Variants in XRCC4 observed in about 807,000 individuals in gnomAD.
XRCC4 encodes DNA repair protein XRCC4.
Under a neutral mutation model 39.1 loss-of-function variants are expected in XRCC4, and 28 were observed. That is an observed-to-expected ratio of 0.72 (90% CI 0.53 to 0.98). The LOEUF is 0.98. XRCC4 is among the 50% of genes least tolerant of loss of function. The pLI is 0.00. For missense variants in XRCC4, 350 were observed against 376.4 expected (o/e 0.93, Z 0.58); for synonymous variants, 123 against 126.4 (o/e 0.97, Z 0.18).
At chr5:83,302,938 C>G (rs961139399) in intron 7 of XRCC4, among the ~76,000 whole-genome samples, 1 of 152,128 alleles carries the variant, frequency 6.6e-6, no homozygotes, top group African/African-American at 2.4e-5. Context: ...TCAGGCCGGG[C>G]GCAGTGGCTT....
intron 3 of XRCC4, among the ~76,000 whole-genome samples, chr5:83,162,673 A>C (rs1271349804): frequency 6.6e-6 from 1 of 152,166 alleles, no homozygotes. Context: ...ATGTGAATAC[A>C]GTTATTGAGT....
intron 6 of XRCC4, among the ~76,000 whole-genome samples, chr5:83,210,646 GA>G (rs148283164): frequency 0.073 from 11,075 of 152,132 alleles, 903 homozygotes; most frequent in African/African-American, 0.21. Context: ...ACTGATACAA[GA>G]GAATAATGGG....
chr5:83,338,920 A>G (rs1470060708), intron 7 of XRCC4, among the ~76,000 whole-genome samples: 2 of 152,202 alleles, frequency 1.3e-5, no homozygotes, highest in African/African-American at 4.8e-5. Context: ...AAAGTTCAGT[A>G]GTGACATATA....
chr5:83,103,935 G>A (rs994348012), intron 1 of XRCC4, among the ~76,000 whole-genome samples: 6 of 152,138 alleles, frequency 3.9e-5, no homozygotes, highest in Admixed American at 2.6e-4. Context: ...ATGAATTTTG[G>A]GTAGCAATGT....
chr5:83,126,157 T>G (rs1199951359), intron 3 of XRCC4, among the ~76,000 whole-genome samples: 1 of 151,788 alleles, frequency 6.6e-6, no homozygotes, highest in Non-Finnish European at 1.5e-5. Flanking sequence ...CAACATGGTA[T>G]GTCTATATAG....
At chr5:83,296,389 TGCA>T (rs1755094939) in intron 7 of XRCC4, among the ~76,000 whole-genome samples, 1 of 152,170 alleles carries the variant, frequency 6.6e-6, no homozygotes, top group African/African-American at 2.4e-5. Flanking sequence ...ATGACAGTCT[TGCA>T]TAGGACATAC....
intron 3 of XRCC4, among the ~76,000 whole-genome samples, chr5:83,124,718 A>C (rs1012982659): frequency 2.6e-5 from 4 of 152,126 alleles, no homozygotes; most frequent in Non-Finnish European, 5.9e-5. Context: ...ATGCTTATAT[A>C]TTGTCTGTGT....
At chr5:83,232,153 T>C (rs573366323) in intron 6 of XRCC4, among the ~76,000 whole-genome samples, 1 of 152,152 alleles carries the variant, frequency 6.6e-6, no homozygotes, top group East Asian at 1.9e-4. Context: ...CTCTATAAAA[T>C]ATTTTCAGAA....
At chr5:83,249,004 G>T (rs1235755025) in intron 6 of XRCC4, among the ~76,000 whole-genome samples, 1 of 152,100 alleles carries the variant, frequency 6.6e-6, no homozygotes, top group African/African-American at 2.4e-5. Flanking sequence ...AAAATGGTCT[G>T]AAAGTGCATT....
chr5:83,229,911 A>G (rs917309935), intron 6 of XRCC4, among the ~76,000 whole-genome samples: 1 of 151,064 alleles, frequency 6.6e-6, no homozygotes, highest in South Asian at 2.6e-4. Flanking sequence ...GTGTGAAACA[A>G]TATTTGATAT....
rs942122761 is a variant in XRCC4, at chr5:83,221,637, T to C, written c.745+16716T>C. On this transcript the variant is annotated intron_variant, in intron 6 of 7. Coordinates refer to ENST00000396027, the MANE Select transcript of XRCC4 (RefSeq NM_003401.5). ...CTCATCTTAATGGAAGAAGAGAAGG[T>C]GCTTTTTTGGTGGTTCTGTTACAAT... Among the ~76,000 whole-genome samples the C allele has an allele frequency of 3.3e-5, 5 of 152,156 alleles. 1 individual carries two copies. The highest frequency in any genetic ancestry group is 1.9e-4 in the East Asian group (1 of 5,182).
rs374892515 is a variant in XRCC4 at position 83,195,876 on chromosome 5, A to G, written c.422A>G (p.Asn141Ser). 26 of 1,611,990 alleles carry G rather than the reference A, an allele frequency of 1.6e-5. No individual in the cohort carries two copies. Among genetic ancestry groups the G allele is most frequent in the Non-Finnish European group, 2.2e-5 (26 of 1,178,722 alleles). ...ACCATTGCAGAAAATCAAGCCAAAA[A>G]TGAGCACCTGCAGAAAGAAAATGAA... ...LDTIAENQAK[N>S]EHLQKENERL... The change falls in exon 4 of 8, where the codon AAT (asparagine) becomes AGT (serine). Residue 141 changes from asparagine (N) to serine (S), a missense_variant. Asn to Ser is a conservative substitution (Grantham distance 46). Coordinates refer to ENST00000396027, the MANE Select transcript of XRCC4 (RefSeq NM_003401.5).
At chr5:83,355,469 A>C (rs1757179730), downstream of XRCC4, among the ~76,000 whole-genome samples, 1 of 152,230 alleles carries the variant, frequency 6.6e-6, no homozygotes, top group African/African-American at 2.4e-5. Flanking sequence ...ATGCATGTTT[A>C]TCACATAGTA....
downstream of XRCC4, chr5:83,353,889 G>A (rs28360347): frequency 2.2e-4 from 34 of 152,144 alleles, no homozygotes; most frequent in African/African-American, 8.2e-4. Flanking sequence ...TATTTTTCAG[G>A]GATTATTGAT....
At chr5:83,212,893 C>G (rs1294954195) in intron 6 of XRCC4, among the ~76,000 whole-genome samples, 1 of 146,470 alleles carries the variant, frequency 6.8e-6, no homozygotes, top group Non-Finnish European at 1.5e-5. Flanking sequence ...TGCCACTGCA[C>G]TCCAGCCTGG....
chr5:83,269,401 G>A (rs1754061283), intron 7 of XRCC4, among the ~76,000 whole-genome samples: 1 of 151,146 alleles, frequency 6.6e-6, no homozygotes, highest in South Asian at 2.1e-4. Flanking sequence ...ACAGTACAAT[G>A]TGATAATGAG....
intron 3 of XRCC4, among the ~76,000 whole-genome samples, chr5:83,187,293 G>C (rs1013210595): frequency 1.3e-5 from 2 of 152,064 alleles, no homozygotes; most frequent in Non-Finnish European, 2.9e-5. Flanking sequence ...TATCTTCACC[G>C]CTTATCCCTC....
chr5:83,204,840 A>G lies in XRCC4; in HGVS notation c.664A>G (p.Thr222Ala), dbSNP rs908326126. ...GGAAACTGCAATCTGTTCTGAAATG[A>G]CTGCTGACCGAGATCCAGTCTATGA... ...EGETAICSEM[T>A]ADRDPVYDES... is the part of the protein sequence containing the mutation. The change falls in exon 6 of 8, where the codon ACT becomes GCT. Residue 222 changes from threonine to alanine, a missense_variant. By Grantham distance (58) the Thr-to-Ala change is moderately conservative. Coordinates refer to ENST00000396027, the MANE Select transcript of XRCC4 (RefSeq NM_003401.5). 1 of 1,611,928 alleles carries G rather than the reference A, an allele frequency of 6.2e-7. No individual in the cohort carries two copies. Among genetic ancestry groups the G allele is most frequent in the Non-Finnish European group, 8.5e-7 (1 of 1,178,480 alleles).
At chr5:83,111,285 T>C (rs974248717) in intron 3 of XRCC4, 82 bp downstream of exon 3, 1 of 1,177,042 alleles carries the variant, frequency 8.5e-7, no homozygotes, top group Non-Finnish European at 1.1e-6. Flanking sequence ...AAGTGACTAC[T>C]ATATTATTCC....
Sources: allele counts gnomAD v4.1 joint callset (sites outside exome capture counted in the v4.1 genomes callset), GRCh38; gene constraint gnomAD v4.1.1; transcripts MANE v1.5; gene names NCBI Gene and HGNC (gene_info 2026-07-23, HGNC 2026-07-21).